The following PIGK variants were observed in gnomAD, a reference collection of about 807,000 sequenced individuals.
PIGK encodes the protein phosphatidylinositol glycan anchor biosynthesis class K, also known as GPI-anchor transamidase.
In PIGK, 42 loss-of-function variants were observed where a neutral mutation model predicts 50.6. That is an observed-to-expected ratio of 0.83 (90% CI 0.65 to 1.07). PIGK has a LOEUF of 1.07. PIGK is among the 50% of genes least tolerant of loss of function. PIGK has a pLI of 0.00. For missense variants in PIGK, 448 were observed against 488.7 expected, an observed-to-expected ratio of 0.92 and a Z score of 0.78; for synonymous variants, 151 against 156.0, an observed-to-expected ratio of 0.97 and a Z score of 0.24.
At chr1:77,217,533 C>T (rs1472408479) in intron 1 of PIGK, among the ~76,000 whole-genome samples, 1 of 151,972 alleles carries the variant, frequency 6.6e-6, no homozygotes, top group East Asian at 1.9e-4. Flanking sequence ...TTTAGAGCAA[C>T]ATTAAGGTGA....
intron 10 of PIGK, among the ~76,000 whole-genome samples, chr1:77,116,599 CGT>C (rs751803515): frequency 2.0e-3 from 192 of 95,566 alleles, no homozygotes; most frequent in Non-Finnish European, 2.4e-3. Flanking sequence ...TGTGTGTGCG[CGT>C]GTGTGTGTGT....
intron 10 of PIGK, among the ~76,000 whole-genome samples, chr1:77,108,183 A>T (rs895740121): frequency 1.3e-5 from 2 of 152,162 alleles, no homozygotes; most frequent in Admixed American, 6.5e-5. Context: ...TCTTCTTAGC[A>T]TCGATGGTCT....
At chr1:77,136,400 G>C (rs12735141) in intron 9 of PIGK, among the ~76,000 whole-genome samples, 1 of 150,484 alleles carries the variant, frequency 6.6e-6, no homozygotes, top group Non-Finnish European at 1.5e-5. Context: ...GTAGTGGCGG[G>C]CGCCTGTAGT....
intron 8 of PIGK, among the ~76,000 whole-genome samples, chr1:77,159,815 T>C (rs1174447103): frequency 6.6e-6 from 1 of 152,196 alleles, no homozygotes; most frequent in Non-Finnish European, 1.5e-5. Flanking sequence ...TTGCTTTTGA[T>C]TTTGCAGGCT....
chr1:77,097,817 C>A (rs1316775754), intron 10 of PIGK, among the ~76,000 whole-genome samples: 1 of 151,874 alleles, frequency 6.6e-6, no homozygotes, highest in Non-Finnish European at 1.5e-5. Flanking sequence ...AAATCATTAT[C>A]TTTCAAGTAT....
At chr1:77,197,507 A>C (rs1656063012) in intron 3 of PIGK, among the ~76,000 whole-genome samples, 1 of 152,228 alleles carries the variant, frequency 6.6e-6, no homozygotes, top group South Asian at 2.1e-4. Context: ...AGGCTGTGCC[A>C]ACTGCTAAAC....
chr1:77,126,127 C>T (rs896014979), intron 9 of PIGK, among the ~76,000 whole-genome samples: 1 of 152,094 alleles, frequency 6.6e-6, no homozygotes, highest in Non-Finnish European at 1.5e-5. Flanking sequence ...AATGCAATTG[C>T]TTGTTTAATA....
intron 10 of PIGK, among the ~76,000 whole-genome samples, chr1:77,096,890 T>TTTTTTTTG (rs1396319957): frequency 6.8e-6 from 1 of 148,054 alleles, no homozygotes; most frequent in East Asian, 1.9e-4. Flanking sequence ...TCTTTTTTTT[T>TTTTTTTTG]TTTTTTTGTT....
chr1:77,195,445 G>T, intron 3 of PIGK: 1 of 953,920 alleles, frequency 1.0e-6, no homozygotes, highest in Non-Finnish European at 1.5e-6. Context: ...GAATCTTTTG[G>T]TCAATAAAAT....
chr1:77,162,826 T>G (rs753170431), intron 6 of PIGK, among the ~76,000 whole-genome samples: 1 of 152,116 alleles, frequency 6.6e-6, no homozygotes, highest in Non-Finnish European at 1.5e-5. Flanking sequence ...CTCCTATGCA[T>G]TAGAAACACC....
intron 3 of PIGK, among the ~76,000 whole-genome samples, chr1:77,173,888 GT>G (rs1448293970): frequency 6.6e-6 from 1 of 152,210 alleles, no homozygotes; most frequent in Non-Finnish European, 1.5e-5. Flanking sequence ...GTGTAATCAT[GT>G]GGTGGTACTT....
intron 9 of PIGK, among the ~76,000 whole-genome samples, chr1:77,124,153 T>C (rs910764798): frequency 2.6e-5 from 4 of 152,192 alleles, no homozygotes; most frequent in African/African-American, 9.7e-5. Context: ...CTCTGGTATT[T>C]TGTTATGGCA....
intron 10 of PIGK, among the ~76,000 whole-genome samples, chr1:77,121,031 T>C (rs1490158686): frequency 6.6e-6 from 1 of 152,212 alleles, no homozygotes; most frequent in Admixed American, 6.5e-5. Context: ...TCAACCATCT[T>C]AAAGGTTAAT....
At chr1:77,200,164 T>C (rs1001072462) in intron 3 of PIGK, among the ~76,000 whole-genome samples, 3 of 152,026 alleles carry the variant, frequency 2.0e-5, no homozygotes, top group Non-Finnish European at 4.4e-5. Flanking sequence ...CTAACAGTTA[T>C]GTGTAGGATG....
chr1:77,218,568 G>T (rs1476146442), intron 1 of PIGK, among the ~76,000 whole-genome samples: 2 of 152,114 alleles, frequency 1.3e-5, no homozygotes, highest in African/African-American at 4.8e-5. Flanking sequence ...TTAAGAGGAG[G>T]TAGGATAAGC....
Position 77,140,089 on chromosome 1 carries a change from C to G in PIGK, c.986+14360G>C, listed in dbSNP as rs746863908. Among the ~76,000 whole-genome samples the G allele has an allele frequency of 2.0e-3, 302 of 152,086 alleles. 2 individuals are homozygous for G. Among genetic ancestry groups the G allele is most frequent in the Non-Finnish European group, 2.1e-3 (142 of 68,010 alleles). The stretch of plus-strand genomic sequence containing the variant: ...GTCCCTGCTCAAATATCAGGTTGAA[C>G]TGTAATCCCCAATGCTGGAGGTGGT... On this transcript the variant is annotated intron_variant, in intron 9 of 10. Transcript: ENST00000370812.
At chr1:77,131,418 G>A (rs993141339) in intron 9 of PIGK, among the ~76,000 whole-genome samples, 3 of 151,894 alleles carry the variant, frequency 2.0e-5, no homozygotes, top group African/African-American at 7.2e-5. Context: ...TCCATTAGTT[G>A]AGACTTTTTG....
intron 10 of PIGK, among the ~76,000 whole-genome samples, chr1:77,105,259 G>T (rs1366553885): frequency 7.1e-6 from 1 of 140,708 alleles, no homozygotes; most frequent in Non-Finnish European, 1.6e-5. Context: ...TGAGTCTGGG[G>T]TCTTTATAAG....
chr1:77,104,038 A>G (rs950989839), intron 10 of PIGK, among the ~76,000 whole-genome samples: 5 of 151,784 alleles, frequency 3.3e-5, no homozygotes, highest in African/African-American at 7.3e-5. Context: ...AAAAAAAAAA[A>G]AGACTACTCT....
Sources: gnomAD v4.1 joint callset for allele counts (sites outside exome capture counted in the v4.1 genomes callset) on GRCh38, gnomAD v4.1.1 for gene constraint, MANE v1.5 for transcripts, NCBI Gene and HGNC (gene_info 2026-07-23, HGNC 2026-07-21) for gene names.